SLC24A2: variants seen among roughly 807,000 people sequenced by gnomAD.
SLC24A2 encodes the protein solute carrier family 24 member 2.
A neutral mutation model predicts 62.0 loss-of-function variants in SLC24A2; 36 were observed. The ratio of observed to expected loss-of-function variants is 0.58; its 90% CI spans 0.44 to 0.77. The LOEUF is 0.77. SLC24A2 is among the 30% of genes least tolerant of loss of function. SLC24A2 has a pLI of 0.00. For synonymous variants in SLC24A2, 358 were observed against 294.0 expected, an observed-to-expected ratio of 1.22 and a Z score of -2.23; for missense variants, 846 against 817.9, an observed-to-expected ratio of 1.03 and a Z score of -0.42.
Position 19,576,966 on chromosome 9 carries a change from CAT to C in SLC24A2, c.1184_1185del (p.His395ArgfsTer3). The C allele has an allele frequency of 6.2e-7, 1 of 1,614,200 alleles. No homozygotes were observed. Among genetic ancestry groups the C allele is most frequent in the Non-Finnish European group, 8.5e-7 (1 of 1,180,012 alleles). On this transcript the variant is annotated frameshift_variant, in exon 6 of 11. Coordinates refer to ENST00000341998, the MANE Select transcript of SLC24A2 (RefSeq NM_020344.4). LOFTEE classifies it high-confidence loss of function. ...ILHKIAKKKCHVDENERQNGA... is the reference protein window; with the variant it reads ...ILHKIAKKKCXVDENERQNGA... ...CCATTCTGCCTCTCGTTCTCATCCA[CAT>C]GACATTTCTTCTTGGCGATCTTGTG...
intron 2 of SLC24A2, among the ~76,000 whole-genome samples, chr9:19,697,334 C>G (rs1004261366): frequency 6.6e-6 from 1 of 152,092 alleles, no homozygotes; most frequent in Non-Finnish European, 1.5e-5. Context: ...GGATGCTGGA[C>G]TTAATATTCA....
chr9:19,530,502 C>T (rs546771973), intron 8 of SLC24A2, among the ~76,000 whole-genome samples: 1 of 152,300 alleles, frequency 6.6e-6, no homozygotes, highest in South Asian at 2.1e-4. Flanking sequence ...TGTACCTCTG[C>T]CTGTTTATTC....
At chr9:20,033,934 A>T in the SLC24A2 span, among the ~76,000 whole-genome samples, 1 of 152,112 alleles carries the variant, frequency 6.6e-6, no homozygotes, top group Middle Eastern at 3.2e-3. Flanking sequence ...CTGTTGGCTC[A>T]CTCTTGAATT....
chr9:20,041,302 T>C, the SLC24A2 span, among the ~76,000 whole-genome samples: 1 of 152,278 alleles, frequency 6.6e-6, no homozygotes, highest in Non-Finnish European at 1.5e-5. Context: ...AAATAATTAC[T>C]TCTTCCTGTA....
At chr9:19,732,133 G>T (rs1042644684) in intron 2 of SLC24A2, among the ~76,000 whole-genome samples, 1 of 152,014 alleles carries the variant, frequency 6.6e-6, no homozygotes, top group Non-Finnish European at 1.5e-5. Context: ...ACTCTTCCTG[G>T]TGAACTTTTA....
chr9:19,580,439 C>A (rs970467358), intron 5 of SLC24A2, among the ~76,000 whole-genome samples: 7 of 152,336 alleles, frequency 4.6e-5, no homozygotes, highest in African/African-American at 1.7e-4. Context: ...CGCCTGAGAT[C>A]ATCACAGGGC....
the SLC24A2 span, among the ~76,000 whole-genome samples, chr9:20,033,805 T>A: frequency 4.6e-5 from 7 of 152,318 alleles, no homozygotes; most frequent in African/African-American, 1.7e-4. Flanking sequence ...ATCCACCCCT[T>A]TTTTAGCATA....
At chr9:19,542,908 G>T (rs1317715652) in intron 8 of SLC24A2, among the ~76,000 whole-genome samples, 1 of 152,064 alleles carries the variant, frequency 6.6e-6, no homozygotes, top group African/African-American at 2.4e-5. Context: ...TTTTTTTGTT[G>T]TGTCTCTGGC....
At chr9:20,260,845 C>CTTTTTTTTTGTT in the SLC24A2 span, among the ~76,000 whole-genome samples, 1 of 110,516 alleles carries the variant, frequency 9.0e-6, no homozygotes, top group African/African-American at 3.7e-5. Flanking sequence ...ACGTATCATT[C>CTTTTTTTTTGTT]TTTCTTTTTT....
the SLC24A2 span, among the ~76,000 whole-genome samples, chr9:19,905,050 A>G: frequency 6.6e-6 from 1 of 152,188 alleles, no homozygotes; most frequent in Non-Finnish European, 1.5e-5. Context: ...TTGTTGTTGT[A>G]AAGGAGTTTC....
chr9:20,223,690 T>C, the SLC24A2 span, among the ~76,000 whole-genome samples: 1 of 151,584 alleles, frequency 6.6e-6, no homozygotes, highest in Non-Finnish European at 1.5e-5. Flanking sequence ...ATGGGAAAAA[T>C]GGATATATAG....
At chr9:20,067,532 C>A in the SLC24A2 span, among the ~76,000 whole-genome samples, 2 of 152,040 alleles carry the variant, frequency 1.3e-5, no homozygotes, top group Non-Finnish European at 2.9e-5. Context: ...TACTCACACT[C>A]TCTCTCCTTC....
At chr9:19,994,866 T>C in the SLC24A2 span, among the ~76,000 whole-genome samples, 1 of 152,214 alleles carries the variant, frequency 6.6e-6, no homozygotes. Context: ...CTGAGAGGTC[T>C]CTTCCAATGT....
chr9:20,121,173 A>G, the SLC24A2 span, among the ~76,000 whole-genome samples: 1 of 150,004 alleles, frequency 6.7e-6, no homozygotes, highest in Non-Finnish European at 1.5e-5. Flanking sequence ...TTGGGATTTC[A>G]ATTGAAATTG....
chr9:19,569,387 T>C (rs551604169), intron 7 of SLC24A2, among the ~76,000 whole-genome samples: 24 of 152,332 alleles, frequency 1.6e-4, no homozygotes, highest in Admixed American at 4.6e-4. Flanking sequence ...TCTAAGAGAA[T>C]TGTCTTTCTA....
intron 2 of SLC24A2, among the ~76,000 whole-genome samples, chr9:19,745,338 A>G (rs1008727071): frequency 6.6e-6 from 1 of 152,154 alleles, no homozygotes; most frequent in Non-Finnish European, 1.5e-5. Flanking sequence ...CATGCAATGC[A>G]AATAGACTAA....
Position 19,566,781 on chromosome 9 carries a change from T to C in SLC24A2, c.1347+6570A>G, listed in dbSNP as rs188612053. ...TACACCATGGAATACTATGCAGCCA[T>C]AAAAAAGGATGAGTTCATGTCCTTT... On this transcript the variant is annotated intron_variant, in intron 7 of 10. Coordinates refer to ENST00000341998, the MANE Select transcript of SLC24A2 (RefSeq NM_020344.4). Among the ~76,000 whole-genome samples the C allele has an allele frequency of 4.6e-3, 700 of 152,162 alleles. 5 individuals are homozygous for C. Among genetic ancestry groups the C allele is most frequent in the African/African-American group, 0.016 (665 of 41,498 alleles).
chr9:19,511,731 T>G lies in SLC24A2; in HGVS notation c.*4422A>C, dbSNP rs1281387006. 1 of 152,236 alleles carries G rather than the reference T, an allele frequency of 6.6e-6. No individual in the cohort carries two copies. The highest frequency in any genetic ancestry group is 3.2e-3 in the Middle Eastern group (1 of 316). The allele number at this position is 152,236 out of a possible 1,614,324, so 9.4% of individuals were successfully genotyped here. ...TGCATGCTTTCAGGAGACAGTAGTTTTCTCCAGAAATCACCCTGAGAACAG... is the reference window on the plus strand; with the variant it reads ...TGCATGCTTTCAGGAGACAGTAGTTGTCTCCAGAAATCACCCTGAGAACAG... On this transcript the variant is annotated 3_prime_UTR_variant, in exon 11 of 11. Coordinates refer to ENST00000341998, the MANE Select transcript of SLC24A2 (RefSeq NM_020344.4).
At chr9:20,002,691 G>A in the SLC24A2 span, among the ~76,000 whole-genome samples, 1 of 152,204 alleles carries the variant, frequency 6.6e-6, no homozygotes, top group African/African-American at 2.4e-5. Context: ...TGCACTCACA[G>A]TGACTGTCAC....
Sources: gnomAD v4.1 joint callset for allele counts (sites outside exome capture counted in the v4.1 genomes callset) on GRCh38, gnomAD v4.1.1 for gene constraint, MANE v1.5 for transcripts, NCBI Gene and HGNC (gene_info 2026-07-23, HGNC 2026-07-21) for gene names.